AGBL1: variants seen among roughly 807,000 people sequenced by gnomAD.
AGBL1 encodes the protein AGBL carboxypeptidase 1.
AGBL1 carries 130 observed loss-of-function variants against 118.9 expected under a neutral mutation model. That is an observed-to-expected ratio of 1.09 (90% CI 0.95 to 1.26). AGBL1 has a LOEUF of 1.26. AGBL1 is among the 50% of genes most tolerant of loss of function. The pLI is 0.00. For missense variants in AGBL1, 1,584 were observed against 1,298.1 expected, an observed-to-expected ratio of 1.22 and a Z score of -3.38; for synonymous variants, 555 against 478.9, an observed-to-expected ratio of 1.16 and a Z score of -2.08.
chr15:86,735,285 C>T (rs1468826087), intron 22 of AGBL1, among the ~76,000 whole-genome samples: 2 of 151,882 alleles, frequency 1.3e-5, no homozygotes, highest in East Asian at 1.9e-4. Context: ...TTCACCATGT[C>T]GGTCAGGATG....
intron 22 of AGBL1, among the ~76,000 whole-genome samples, chr15:86,777,184 A>G (rs926360074): frequency 2.0e-5 from 3 of 152,028 alleles, no homozygotes; most frequent in Non-Finnish European, 4.4e-5. Flanking sequence ...CCAAACTCTC[A>G]TATACATGAG....
chr15:86,597,908 G>A (rs1275457968), intron 21 of AGBL1, among the ~76,000 whole-genome samples: 2 of 152,130 alleles, frequency 1.3e-5, no homozygotes, highest in African/African-American at 4.8e-5. Context: ...TTCTGAAACA[G>A]ATAAAAGAGA....
chr15:86,090,953 A>G (rs922309236), intron 1 of AGBL1, among the ~76,000 whole-genome samples: 2 of 152,122 alleles, frequency 1.3e-5, no homozygotes, highest in Non-Finnish European at 2.9e-5. Flanking sequence ...GTACCACCCA[A>G]TAGAGCTCTG....
chr15:86,694,722 G>C (rs1003129645), intron 22 of AGBL1, among the ~76,000 whole-genome samples: 3 of 151,992 alleles, frequency 2.0e-5, no homozygotes, highest in African/African-American at 7.2e-5. Flanking sequence ...TATTATGTTG[G>C]CTGTGGGTTT....
At chr15:86,423,487 T>G (rs369561171) in intron 18 of AGBL1, among the ~76,000 whole-genome samples, 7,342 of 152,260 alleles carry the variant, frequency 0.048, 208 homozygotes, top group South Asian at 0.078. Flanking sequence ...TAGACAAGGA[T>G]GTCCTCTTTT....
chr15:86,200,724 C>G (rs144215771), intron 5 of AGBL1, among the ~76,000 whole-genome samples: 1 of 151,836 alleles, frequency 6.6e-6, no homozygotes, highest in South Asian at 2.1e-4. Flanking sequence ...TCAAGCAATT[C>G]TCCTGCTTCA....
In AGBL1 at chr15:86,741,963, C is replaced by T. The variant is rs150062845; in HGVS notation, c.3158+67527C>T. Among the ~76,000 whole-genome samples the T allele has an allele frequency of 2.9e-3, 431 of 148,762 alleles. 3 individuals are homozygous for T. Among genetic ancestry groups the T allele is most frequent in the Non-Finnish European group, 4.1e-3 (278 of 67,634 alleles). ...TCAGATCTAGGTCCATATTAATTCT[C>T]TTTATCCACTGGAGTTTTTTTTTTT... On this transcript the variant is annotated intron_variant, in intron 22 of 22. Transcript: ENST00000614907.
chr15:86,982,291 A>G (rs986580401), intron 23 of AGBL1, among the ~76,000 whole-genome samples: 1 of 152,170 alleles, frequency 6.6e-6, no homozygotes, highest in Admixed American at 6.5e-5. Context: ...ATTTTCACCC[A>G]TAATTATGTT....
At chr15:86,575,080 T>C (rs931156277) in intron 21 of AGBL1, among the ~76,000 whole-genome samples, 1 of 151,892 alleles carries the variant, frequency 6.6e-6, no homozygotes, top group South Asian at 2.1e-4. Context: ...TCCCAGCTAC[T>C]TGGGAGGCTG....
At chr15:86,930,074 G>T (rs951960745) in intron 23 of AGBL1, among the ~76,000 whole-genome samples, 1 of 151,992 alleles carries the variant, frequency 6.6e-6, no homozygotes, top group Admixed American at 6.6e-5. Flanking sequence ...CATGGTATTT[G>T]TCTTCCCCCA....
chr15:86,843,511 C>A (rs1290312859), intron 22 of AGBL1, among the ~76,000 whole-genome samples: 2 of 56,034 alleles, frequency 3.6e-5, no homozygotes, highest in African/African-American at 5.2e-5. Flanking sequence ...CAAATCAAGA[C>A]CCCGTTTTTT....
At chr15:86,960,812 T>C (rs570223196) in intron 23 of AGBL1, among the ~76,000 whole-genome samples, 3 of 152,210 alleles carry the variant, frequency 2.0e-5, no homozygotes, top group South Asian at 4.1e-4. Context: ...AATGACATTA[T>C]GCTAAGTGAA....
At chr15:86,532,713 C>G (rs2083367894) in intron 19 of AGBL1, among the ~76,000 whole-genome samples, 1 of 151,686 alleles carries the variant, frequency 6.6e-6, no homozygotes, top group South Asian at 2.1e-4. Flanking sequence ...TCAAACTATA[C>G]TACAAGTCTA....
At position 86,637,165 on chromosome 15, in the gene AGBL1, C is replaced by T. The variant is rs2085110970; in HGVS notation, c.2995-37108C>T. ...TTTGTAATCTAGTGAGGAAGATGCA[C>T]ATTACACAACACAGGACATACACAA... is the stretch of plus-strand genomic sequence containing the variant. On this transcript the variant is annotated intron_variant, in intron 21 of 22. Transcript: ENST00000614907. 2.6e-5 allele frequency among the ~76,000 whole-genome samples: 4 copies of T among 152,048 alleles called. No individual in the cohort carries two copies. In the South Asian group the frequency reaches 8.3e-4, roughly 32 times the overall value.
chr15:86,436,500 G>A (rs539280818), intron 18 of AGBL1, among the ~76,000 whole-genome samples: 9 of 152,210 alleles, frequency 5.9e-5, no homozygotes, highest in Admixed American at 5.9e-4. Context: ...TGCAAGAAGA[G>A]TTTCAGGGCC....
At chr15:86,779,932 C>A (rs1022450537) in intron 22 of AGBL1, among the ~76,000 whole-genome samples, 5 of 109,402 alleles carry the variant, frequency 4.6e-5, no homozygotes, top group Admixed American at 1.8e-4. Context: ...CACACACACA[C>A]ACACACACAC....
At chr15:86,428,454 A>G (rs1262084150) in intron 18 of AGBL1, among the ~76,000 whole-genome samples, 4 of 152,246 alleles carry the variant, frequency 2.6e-5, no homozygotes, top group African/African-American at 9.6e-5. Flanking sequence ...TTTTCTAAAT[A>G]CACGGACTTC....
intron 19 of AGBL1, among the ~76,000 whole-genome samples, chr15:86,542,429 C>G (rs149668171): frequency 6.8e-6 from 1 of 146,376 alleles, no homozygotes; most frequent in Non-Finnish European, 1.5e-5. Context: ...TGCAATGGCA[C>G]GATCTCGGCT....
At chr15:86,201,468 C>T (rs2077906075) in intron 5 of AGBL1, among the ~76,000 whole-genome samples, 1 of 152,160 alleles carries the variant, frequency 6.6e-6, no homozygotes. Flanking sequence ...AGAGTAGGAG[C>T]TATCTTGAAT....
Sources: allele counts gnomAD v4.1 joint callset (sites outside exome capture counted in the v4.1 genomes callset), GRCh38; gene constraint gnomAD v4.1.1; transcripts MANE v1.5; gene names NCBI Gene and HGNC (gene_info 2026-07-23, HGNC 2026-07-21).